TMPRSS9: variants seen among roughly 807,000 people sequenced by gnomAD.
TMPRSS9 encodes the protein transmembrane serine protease 9.
In TMPRSS9, 113 loss-of-function variants were observed where a neutral mutation model predicts 111.4. The ratio of observed to expected loss-of-function variants is 1.01; its 90% confidence interval spans 0.87 to 1.19. The LOEUF is 1.19. Ranked by LOEUF, TMPRSS9 falls within the 50% of genes most tolerant of loss-of-function variation. The pLI is 0.00. For missense variants in TMPRSS9, 1,803 were observed against 1,513.1 expected (o/e 1.19, Z -3.18); for synonymous variants, 805 against 659.1 (o/e 1.22, Z -3.39).
intron 12 of TMPRSS9, among the ~76,000 whole-genome samples, chr19:2,417,269 C>G (rs1037860267): frequency 2.0e-5 from 3 of 152,116 alleles, no homozygotes; most frequent in African/African-American, 7.2e-5. Context: ...AGTTTGAGAT[C>G]AGCCTGGCCA....
chr19:2,397,969 C>T (rs1403458099), intron 2 of TMPRSS9, among the ~76,000 whole-genome samples: 4 of 105,282 alleles, frequency 3.8e-5, no homozygotes, highest in African/African-American at 7.6e-5. Flanking sequence ...ACGCCTGTGA[C>T]GCCTCCTGGG....
intron 1 of TMPRSS9, among the ~76,000 whole-genome samples, chr19:2,392,264 G>A (rs779660677): frequency 2.0e-5 from 3 of 152,028 alleles, no homozygotes; most frequent in South Asian, 2.1e-4. Flanking sequence ...GTGGTTGTGC[G>A]TGCCAGTAGT....
intron 14 of TMPRSS9, 74 bp downstream of exon 15, chr19:2,422,321 A>G (rs557514451): frequency 1.4e-6 from 2 of 1,449,026 alleles, no homozygotes; most frequent in East Asian, 2.5e-5. Context: ...CTAACAAGAC[A>G]TAACGTCGTC....
At chr19:2,407,648 C>T (rs1266839948) in intron 7 of TMPRSS9, among the ~76,000 whole-genome samples, 2 of 134,310 alleles carry the variant, frequency 1.5e-5, no homozygotes, top group Non-Finnish European at 3.1e-5. Flanking sequence ...TTACCTGTTG[C>T]CCAGGCTGGA....
chr19:2,423,735 C>G (rs903813372), intron 14 of TMPRSS9, among the ~76,000 whole-genome samples: 6 of 151,948 alleles, frequency 3.9e-5, no homozygotes, highest in African/African-American at 1.5e-4. Context: ...CAAGGCAGGG[C>G]TGGGGCCTCT....
chr19:2,418,218 G>C, intron 13 of TMPRSS9, 80 bp downstream of exon 14: 5 of 1,418,890 alleles, frequency 3.5e-6, no homozygotes, highest in Non-Finnish European at 4.8e-6. Context: ...TTTGTGTGCA[G>C]ACCTAGATTT....
chr19:2,416,515 G>A (rs1376388970), intron 11 of TMPRSS9, 23 bp from the exon 13 acceptor site: 1 of 1,591,948 alleles, frequency 6.3e-7, no homozygotes, highest in Non-Finnish European at 8.5e-7. Flanking sequence ...GGGCAGGCAT[G>A]TCTGAGGGCC....
chr19:2,377,832 C>A (rs1970352276), intron 1 of TMPRSS9, among the ~76,000 whole-genome samples: 1 of 145,584 alleles, frequency 6.9e-6, no homozygotes, highest in Non-Finnish European at 1.5e-5. Context: ...CCTGCCTCAG[C>A]CTCCTGAGTG....
chr19:2,415,199 C>A (rs1421179304), intron 10 of TMPRSS9, among the ~76,000 whole-genome samples: 2 of 152,076 alleles, frequency 1.3e-5, no homozygotes, highest in Non-Finnish European at 2.9e-5. Flanking sequence ...CCCGCCTTGG[C>A]CTCCCAAAGT....
chr19:2,379,643 T>TTCTTTCTTTC (rs1970368662), intron 1 of TMPRSS9, among the ~76,000 whole-genome samples: 1 of 148,688 alleles, frequency 6.7e-6, no homozygotes, highest in Non-Finnish European at 1.5e-5. Context: ...CTTTCTTTCT[T>TTCTTTCTTTC]TCTTTCTTTC....
chr19:2,400,154 T>C (rs534677662), intron 4 of TMPRSS9, among the ~76,000 whole-genome samples: 10 of 152,350 alleles, frequency 6.6e-5, no homozygotes, highest in African/African-American at 2.2e-4. Context: ...ATAAAACTTA[T>C]TAAAAATAAC....
At chr19:2,388,416 GAGAA>G (rs1197703004), upstream of TMPRSS9, among the ~76,000 whole-genome samples, 1 of 152,024 alleles carries the variant, frequency 6.6e-6, no homozygotes, top group East Asian at 1.9e-4. Flanking sequence ...GCGGGAGGGT[GAGAA>G]AGAGAGACTG....
intron 1 of TMPRSS9, among the ~76,000 whole-genome samples, chr19:2,363,768 A>T (rs1320505596): frequency 1.4e-5 from 2 of 139,126 alleles, no homozygotes; most frequent in African/African-American, 5.4e-5. Flanking sequence ...AGTCACTAGA[A>T]TTCCAAGAAC....
intron 1 of TMPRSS9, among the ~76,000 whole-genome samples, chr19:2,390,247 T>G (rs552025771): frequency 7.7e-6 from 1 of 129,324 alleles, no homozygotes; most frequent in South Asian, 2.8e-4. Context: ...TTTTTTGTTT[T>G]TTTTTTTTTT....
At chr19:2,363,821 T>TGA (rs1474720985) in intron 1 of TMPRSS9, among the ~76,000 whole-genome samples, 48 of 112,162 alleles carry the variant, frequency 4.3e-4, no homozygotes, top group East Asian at 5.7e-4. Context: ...CGCGTGTGTG[T>TGA]GTGAGAGAGA....
At chr19:2,414,163 T>C (rs1228257496) in intron 10 of TMPRSS9, 145 bp downstream of exon 11, 3 of 830,416 alleles carry the variant, frequency 3.6e-6, no homozygotes, top group African/African-American at 3.5e-5. Flanking sequence ...CCATCTTACG[T>C]TGCGTGTACC....
In TMPRSS9 at chr19:2,419,695, T is replaced by C. The variant is rs527706734; in HGVS notation, c.2154+1557T>C. 3.3e-5 allele frequency among the ~76,000 whole-genome samples: 5 copies of C among 152,124 alleles called. No homozygotes were observed. In the South Asian group the frequency reaches 1.0e-3, roughly 32 times the overall value. ...CCACGTCCAGCTAATTTTTGTATTT[T>C]TAGTAGAGACGTGGTTTCACCATGT... is the stretch of plus-strand genomic sequence containing the variant. On this transcript the variant is annotated intron_variant, in intron 13 of 17. Transcript: ENST00000648592.
In TMPRSS9 at chr19:2,399,001, C is replaced by G; in HGVS notation, c.339-17C>G. Reference sequence around the variant, plus strand: ...GGAGCCCCTCCCTCTCCAAGGGCCTCTCCTCCATACCTGTAGGGATGGGAA... The same window carrying G: ...GGAGCCCCTCCCTCTCCAAGGGCCTGTCCTCCATACCTGTAGGGATGGGAA... On this transcript the variant is annotated splice_polypyrimidine_tract_variant and intron_variant, in intron 3 of 17. Coordinates refer to ENST00000648592, the Ensembl canonical transcript of TMPRSS9. The G allele has an allele frequency of 6.2e-7, 1 of 1,606,534 alleles. No homozygotes were observed.
At chr19:2,389,718 C>T, upstream of TMPRSS9, 1 of 1,536,712 alleles carries the variant, frequency 6.5e-7, no homozygotes, top group Non-Finnish European at 8.8e-7. Context: ...GAAGCACCTT[C>T]AGCCTCTGAC....
Sources: allele counts gnomAD v4.1 joint callset (sites outside exome capture counted in the v4.1 genomes callset), GRCh38; gene constraint gnomAD v4.1.1; transcripts MANE v1.5; gene names NCBI Gene and HGNC (gene_info 2026-07-23, HGNC 2026-07-21).